The following BTG4 variants were observed in gnomAD, a reference collection of about 807,000 sequenced individuals.
BTG4 encodes the protein protein BTG4.
BTG4 carries 10 observed loss-of-function variants against 19.3 expected under a neutral mutation model. That is an observed-to-expected ratio of 0.52 (90% CI 0.32 to 0.88). The LOEUF (loss-of-function observed/expected upper bound fraction) is 0.88. Ranked by LOEUF, BTG4 falls within the 40% of genes least tolerant of loss-of-function variation. The probability of loss-of-function intolerance (pLI) is 0.04; values close to 1 mark genes in which losing one functional copy is unlikely to be tolerated. For synonymous variants in BTG4, 91 were observed against 95.7 expected, an observed-to-expected ratio of 0.95 and a Z score of 0.29; for missense variants, 238 against 281.9, an observed-to-expected ratio of 0.84 and a Z score of 1.11.
intron 5 of BTG4, among the ~76,000 whole-genome samples, chr11:111,482,458 C>T (rs554388444): frequency 5.2e-4 from 79 of 152,038 alleles, no homozygotes; most frequent in Non-Finnish European, 4.4e-5. Flanking sequence ...CAAGATCATT[C>T]CAAAATGTAC....
chr11:111,509,226 T>C (rs1454460289), intron 1 of BTG4, among the ~76,000 whole-genome samples: 1 of 152,202 alleles, frequency 6.6e-6, no homozygotes, highest in East Asian at 1.9e-4. Flanking sequence ...CATAAATAGA[T>C]TCAATTATTT....
chr11:111,427,481 C>T, the BTG4 span, among the ~76,000 whole-genome samples: 1 of 152,194 alleles, frequency 6.6e-6, no homozygotes, highest in African/African-American at 2.4e-5. Context: ...TATAAAACAA[C>T]AGAAGAATAA....
intron 5 of BTG4, among the ~76,000 whole-genome samples, chr11:111,480,241 A>G (rs11530750): frequency 0.095 from 14,482 of 152,200 alleles, 872 homozygotes; most frequent in Admixed American, 0.16. Flanking sequence ...ATTACCAGAA[A>G]CAGGAACATT....
chr11:111,422,623 C>T, the BTG4 span, among the ~76,000 whole-genome samples: 1 of 152,194 alleles, frequency 6.6e-6, no homozygotes, highest in Non-Finnish European at 1.5e-5. Flanking sequence ...AGACAGTTAA[C>T]CTGAATCACC....
chr11:111,513,353 C>T (rs1031752955), upstream of BTG4: 2 of 528,212 alleles, frequency 3.8e-6, no homozygotes, highest in African/African-American at 3.9e-5. Flanking sequence ...AAGCTAGCAA[C>T]TCAGTTGAGC....
At chr11:111,398,366 T>C in the BTG4 span, among the ~76,000 whole-genome samples, 2 of 152,226 alleles carry the variant, frequency 1.3e-5, no homozygotes, top group African/African-American at 4.8e-5. Flanking sequence ...GCAGTTGTTT[T>C]CAAACTTTGG....
intron 5 of BTG4, among the ~76,000 whole-genome samples, chr11:111,477,891 T>C (rs1366248962): frequency 6.6e-6 from 1 of 152,104 alleles, no homozygotes; most frequent in African/African-American, 2.4e-5. Context: ...CCAGCATAAG[T>C]TGAATGGGGA....
intron 4 of BTG4, chr11:111,496,651 A>T (rs1248003806): frequency 1.3e-5 from 2 of 152,394 alleles, no homozygotes; most frequent in Non-Finnish European, 1.5e-5. Flanking sequence ...ATCAATTTAG[A>T]TACTTGAAAT....
At chr11:111,492,799 G>A (rs891325989), downstream of BTG4, among the ~76,000 whole-genome samples, 1 of 152,122 alleles carries the variant, frequency 6.6e-6, no homozygotes, top group African/African-American at 2.4e-5. Context: ...AGCATCTCAA[G>A]TGATACCCAA....
chr11:111,436,251 G>T, the BTG4 span, among the ~76,000 whole-genome samples: 1 of 152,172 alleles, frequency 6.6e-6, no homozygotes, highest in African/African-American at 2.4e-5. Context: ...TGAATTTGGT[G>T]ATCAATAGAA....
chr11:111,461,333 C>A, the BTG4 span, among the ~76,000 whole-genome samples: 161 of 152,310 alleles, frequency 1.1e-3, no homozygotes, highest in African/African-American at 3.8e-3. Context: ...CCTGCCGCCA[C>A]GTGCCTGTCT....
chr11:111,409,342 T>C, the BTG4 span, among the ~76,000 whole-genome samples: 483 of 152,238 alleles, frequency 3.2e-3, 1 homozygote, highest in African/African-American at 0.011. Context: ...TGGTGAGTCA[T>C]AGGGGGATCG....
the BTG4 span, among the ~76,000 whole-genome samples, chr11:111,390,288 C>T: frequency 3.3e-5 from 5 of 152,252 alleles, no homozygotes; most frequent in African/African-American, 1.2e-4. Context: ...CCACTGTCAT[C>T]CAGTCTGTAT....
At chr11:111,467,675 T>C (rs753152297) in exon 6 of BTG4, 2 of 772,680 alleles carry the variant, frequency 2.6e-6, no homozygotes, top group Non-Finnish European at 4.8e-6. Context: ...ATGTGGGTTA[T>C]AAAATTCTGG....
chr11:111,403,546 A>G, the BTG4 span, among the ~76,000 whole-genome samples: 538 of 152,310 alleles, frequency 3.5e-3, 6 homozygotes, highest in African/African-American at 0.012. Flanking sequence ...AGTCCATTCA[A>G]CCAAAACTAA....
chr11:111,431,509 CA>C, the BTG4 span, among the ~76,000 whole-genome samples: 1 of 152,194 alleles, frequency 6.6e-6, no homozygotes, highest in African/African-American at 2.4e-5. Flanking sequence ...GAGGCCCCTC[CA>C]AAACCTACTT....
intron 5 of BTG4, among the ~76,000 whole-genome samples, chr11:111,485,704 G>A (rs1865024909): frequency 6.6e-6 from 1 of 151,978 alleles, no homozygotes; most frequent in Non-Finnish European, 1.5e-5. Context: ...AAAAGCAAGA[G>A]CAAACCAAAC....
At chr11:111,453,263 G>C in the BTG4 span, 1 of 295,354 alleles carries the variant, frequency 3.4e-6, no homozygotes, top group South Asian at 3.1e-5. Flanking sequence ...AAACGACAGA[G>C]ACCTAAACAA....
At chr11:111,449,798 T>G in the BTG4 span, 1 of 152,300 alleles carries the variant, frequency 6.6e-6, no homozygotes, top group Non-Finnish European at 1.5e-5. Context: ...AAGCAGAATG[T>G]GCAGCCCTCT....
Sources: gnomAD v4.1 joint callset for allele counts (sites outside exome capture counted in the v4.1 genomes callset) on GRCh38, gnomAD v4.1.1 for gene constraint, MANE v1.5 for transcripts, NCBI Gene and HGNC (gene_info 2026-07-23, HGNC 2026-07-21) for gene names.